Variants in AHCYL2 observed in about 807,000 individuals in gnomAD.
AHCYL2 encodes adenosylhomocysteinase like 2.
A neutral mutation model predicts 81.4 loss-of-function variants in AHCYL2; 28 were observed. The observed-to-expected ratio is 0.34, with a 90% CI of 0.25 to 0.47. The LOEUF is 0.47. AHCYL2 is among the 20% of genes least tolerant of loss of function. The pLI, the probability that AHCYL2 is intolerant of heterozygous loss-of-function variation, is 1.00. For missense variants in AHCYL2, 551 were observed against 785.1 expected, an observed-to-expected ratio of 0.70 and a Z score of 3.56; for synonymous variants, 272 against 290.2, an observed-to-expected ratio of 0.94 and a Z score of 0.64.
intron 1 of AHCYL2, among the ~76,000 whole-genome samples, chr7:129,271,450 G>A (rs371351552): frequency 1.3e-5 from 2 of 151,288 alleles, no homozygotes; most frequent in Non-Finnish European, 2.9e-5. Context: ...ATCAATGGTA[G>A]AATGGATACA....
chr7:129,392,410 G>A (rs1381530060), intron 4 of AHCYL2, among the ~76,000 whole-genome samples: 2 of 152,194 alleles, frequency 1.3e-5, no homozygotes, highest in Admixed American at 1.3e-4. Flanking sequence ...CGCTTTCTAT[G>A]TGCCCTCACA....
At chr7:129,315,565 G>A (rs928320513) in intron 1 of AHCYL2, among the ~76,000 whole-genome samples, 10 of 152,170 alleles carry the variant, frequency 6.6e-5, no homozygotes, top group African/African-American at 1.9e-4. Context: ...CTATAATTGC[G>A]TGATTACACT....
At chr7:129,247,124 T>A (rs1031780390) in intron 1 of AHCYL2, among the ~76,000 whole-genome samples, 1 of 152,256 alleles carries the variant, frequency 6.6e-6, no homozygotes, top group African/African-American at 2.4e-5. Context: ...TTATGTGTAA[T>A]TATTTCATAT....
chr7:129,331,671 G>A (rs1276445513), intron 1 of AHCYL2, among the ~76,000 whole-genome samples: 4 of 149,178 alleles, frequency 2.7e-5, no homozygotes, highest in East Asian at 2.7e-4. Context: ...ATGAAACCCC[G>A]TCTCTACTAA....
chr7:129,413,210 C>T (rs1454759935), intron 11 of AHCYL2, among the ~76,000 whole-genome samples: 6 of 143,716 alleles, frequency 4.2e-5, no homozygotes, highest in Non-Finnish European at 6.0e-5. Context: ...GGCACGATCT[C>T]GGCTCACTGC....
intron 1 of AHCYL2, among the ~76,000 whole-genome samples, chr7:129,259,973 G>A (rs1490649804): frequency 6.6e-6 from 1 of 151,666 alleles, no homozygotes; most frequent in Non-Finnish European, 1.5e-5. Context: ...CTACTTGGGA[G>A]ACTGAGGCAG....
intron 1 of AHCYL2, among the ~76,000 whole-genome samples, chr7:129,235,848 A>C (rs192810760): frequency 1.3e-5 from 2 of 152,064 alleles, no homozygotes; most frequent in African/African-American, 4.8e-5. Context: ...CTAAGTCTAT[A>C]TTGTTGTTTC....
intron 1 of AHCYL2, among the ~76,000 whole-genome samples, chr7:129,376,178 G>T (rs1216149199): frequency 1.3e-5 from 2 of 152,144 alleles, no homozygotes; most frequent in African/African-American, 4.8e-5. Context: ...AGGAAAGTTA[G>T]GGGTAGAATC....
rs533100348 is a variant in AHCYL2, at chr7:129,279,871, C to T, written c.363+54432C>T. Among the ~76,000 whole-genome samples, 16 of 152,270 alleles carry T rather than the reference C, an allele frequency of 1.1e-4. No homozygotes were observed. In the South Asian group the frequency reaches 3.3e-3, roughly 32 times the overall value. On this transcript the variant is annotated intron_variant, in intron 1 of 16. Transcript: ENST00000325006. ...TAGCATACTAATGCATTATCATTAG[C>T]ATATAACCAGCAGTGAGGACAACCA...
chr7:129,393,997 C>CTTT (rs1795591711), intron 4 of AHCYL2, among the ~76,000 whole-genome samples: 1 of 151,888 alleles, frequency 6.6e-6, no homozygotes, highest in Non-Finnish European at 1.5e-5. Context: ...TCAGTAATTT[C>CTTT]TTTTTTTGTT....
chr7:129,247,774 C>T (rs1795111397), intron 1 of AHCYL2, among the ~76,000 whole-genome samples: 1 of 151,940 alleles, frequency 6.6e-6, no homozygotes, highest in Non-Finnish European at 1.5e-5. Context: ...GCTAATTTTT[C>T]TATTTTTCGT....
At chr7:129,306,403 G>A (rs1052927934) in intron 1 of AHCYL2, among the ~76,000 whole-genome samples, 3 of 151,846 alleles carry the variant, frequency 2.0e-5, no homozygotes, top group Non-Finnish European at 4.4e-5. Context: ...TGTGTCAATT[G>A]TATTTTTCCA....
rs769346623 is a variant in AHCYL2, at chr7:129,362,597, G to GTTTTTTTTTT, written c.364-17023_364-17014dup. Among the ~76,000 whole-genome samples the GTTTTTTTTTT allele has an allele frequency of 9.3e-4, 59 of 63,644 alleles. 1 individual carries two copies. The highest frequency in any genetic ancestry group is 1.2e-3 in the Non-Finnish European group (40 of 32,564). The allele number at this position is 63,644 out of a possible 152,430, so 41.8% of individuals were successfully genotyped here. On this transcript the variant is annotated intron_variant, in intron 1 of 16. Transcript: ENST00000325006. Reference sequence around the variant, plus strand: ...CTAAGGAATAGTTATTGGTTTTCTTGTTTTTTTTTTTTTTTTTTTTTTTTT... The same window carrying GTTTTTTTTTT: ...CTAAGGAATAGTTATTGGTTTTCTTGTTTTTTTTTTTTTTTTTTTTTTTTTTTTTTTTTTT...
intron 2 of AHCYL2, among the ~76,000 whole-genome samples, chr7:129,380,774 C>T (rs1468827194): frequency 1.3e-5 from 2 of 152,152 alleles, no homozygotes; most frequent in Non-Finnish European, 2.9e-5. Context: ...GGGTCTCACT[C>T]TGTCACCCAG....
chr7:129,351,373 A>G (rs1451130469), intron 1 of AHCYL2: 2 of 152,216 alleles, frequency 1.3e-5, no homozygotes, highest in Non-Finnish European at 2.9e-5. Context: ...AACTTTAGAA[A>G]ACACAAAAAT....
intron 1 of AHCYL2, among the ~76,000 whole-genome samples, chr7:129,351,199 G>A (rs955041226): frequency 7.9e-5 from 12 of 151,938 alleles, no homozygotes; most frequent in African/African-American, 1.9e-4. Context: ...TGGTGTTTCC[G>A]CATAGGCATA....
intron 1 of AHCYL2, among the ~76,000 whole-genome samples, chr7:129,259,247 T>C (rs1233849805): frequency 6.6e-6 from 1 of 152,212 alleles, no homozygotes; most frequent in Non-Finnish European, 1.5e-5. Context: ...GGCCAAGATT[T>C]GGCTTATGGT....
chr7:129,405,051 T>G, intron 7 of AHCYL2, 46 bp from the exon 8 acceptor site: 1 of 1,293,430 alleles, frequency 7.7e-7, no homozygotes, highest in Non-Finnish European at 1.1e-6. Flanking sequence ...CAATGGTAGA[T>G]TGTAATGTCC....
intron 1 of AHCYL2, among the ~76,000 whole-genome samples, chr7:129,243,726 C>T (rs974130594): frequency 3.3e-5 from 5 of 151,758 alleles, no homozygotes; most frequent in East Asian, 3.9e-4. Context: ...GGACTACAGG[C>T]GCCCACCACC....
Sources: gnomAD v4.1 joint callset for allele counts (sites outside exome capture counted in the v4.1 genomes callset) on GRCh38, gnomAD v4.1.1 for gene constraint, MANE v1.5 for transcripts, NCBI Gene and HGNC (gene_info 2026-07-23, HGNC 2026-07-21) for gene names.